The following KCTD19 variants were observed in gnomAD, a reference collection of about 807,000 sequenced individuals.
KCTD19 encodes BTB/POZ domain-containing protein KCTD19.
A neutral mutation model predicts 103.5 loss-of-function variants in KCTD19; 67 were observed. The observed-to-expected ratio is 0.65, with a 90% CI of 0.53 to 0.79. KCTD19 has a LOEUF of 0.79. KCTD19 is among the 30% of genes least tolerant of loss of function. The probability of loss-of-function intolerance (pLI) is 0.00; values close to 1 mark genes in which losing one functional copy is unlikely to be tolerated. For synonymous variants in KCTD19, 439 were observed against 452.2 expected (o/e 0.97, Z 0.37); for missense variants, 980 against 1,136.1 (o/e 0.86, Z 1.98).
rs1456382815 is a variant in KCTD19 at position 67,294,080 on chromosome 16, A to C, written c.1682T>G (p.Met561Arg). Residue 561 changes from methionine to arginine, a missense_variant, in exon 12 of 16, where the codon ATG becomes AGG. Coordinates refer to ENST00000304372, the MANE Select transcript of KCTD19 (RefSeq NM_001100915.3). ...AKGNLVRSNQMDEAEQYTRPI... is the reference protein window; with the variant it reads ...AKGNLVRSNQRDEAEQYTRPI... ...CCGAGTGTACTGCTCAGCCTCATCC[A>C]TCTGGTTGGACCTGACCAGGTTTCC... 9.3e-6 allele frequency: 15 copies of C among 1,614,152 alleles called. No individual in the cohort carries two copies. In the South Asian group the frequency reaches 1.2e-4, roughly 13 times the overall value.
In KCTD19 at chr16:67,293,644, T is replaced by G. The variant is rs2036726135; in HGVS notation, c.2118A>C (p.Gly706=). ...DPGPQAGAGA[G]AKDKGPEPTF... is the part of the protein sequence containing the mutation. ...TTGGCTCTGGCCCCTTGTCTTTCGC[T>G]CCAGCTCCAGCCCCTGCCTGTGGTC... Residue 706 remains glycine, a synonymous_variant, in exon 12 of 16, where the codon GGA becomes GGC. Transcript: ENST00000304372. This position sits in a 1 kb window ranked among gnomAD's most constrained non-coding sequence, Gnocchi z 4.0. 3 of 1,613,866 alleles carry G rather than the reference T, an allele frequency of 1.9e-6. No individual in the cohort carries two copies. The African/African-American group carries it at 4.0e-5, about 22-fold the overall frequency.
Position 67,303,447 on chromosome 16 carries a change from AGGATAT to A in KCTD19, c.452-116_452-111del, listed in dbSNP as rs2036859952. On this transcript the variant is annotated intron_variant, in intron 3 of 15. Transcript: ENST00000304372. This position sits in a 1 kb window ranked among gnomAD's most constrained non-coding sequence, Gnocchi z 4.3. ...CCAGAGGATGCTAGAGAGACCCCCC[AGGATAT>A]GGTCCTTGCCACTTGCCAGACACAT... 1.3e-6 allele frequency: 1 copy of A among 752,116 alleles called. No homozygotes were observed. The highest frequency in any genetic ancestry group is 2.0e-5 in the South Asian group (1 of 50,760). 46.6% of individuals were successfully genotyped at this position (752,116 alleles called of 1,614,324 possible).
chr16:67,326,601 C>T, intron 1 of KCTD19, 104 bp downstream of exon 1: 1 of 1,478,460 alleles, frequency 6.8e-7, no homozygotes, highest in South Asian at 1.2e-5. Context: ...CTCTCCCATG[C>T]CCCAGAGCCA....
intron 2 of KCTD19, chr16:67,305,599 T>G: frequency 2.2e-6 from 1 of 455,604 alleles, no homozygotes; most frequent in South Asian, 1.6e-5. Context: ...GGACCCATTC[T>G]CCCTCAAAAG....
chr16:67,301,660 G>A, intron 5 of KCTD19, 131 bp downstream of exon 5: 2 of 826,154 alleles, frequency 2.4e-6, no homozygotes, highest in Non-Finnish European at 3.9e-6. Flanking sequence ...TGGATTCAGA[G>A]TCAGCCAGAA....
Position 67,301,877 on chromosome 16 carries a change from G to A in KCTD19, c.689C>T (p.Ser230Phe), listed in dbSNP as rs770845234. ...SQKILLPDNFSNIDVLEAEVE... is the reference protein window; with the variant it reads ...SQKILLPDNFFNIDVLEAEVE... ...TTCTGCTTCTAATACATCAATGTTGGAGAAATTATCCGGTAGTAAAATCTT... is the reference window on the plus strand; with the variant it reads ...TTCTGCTTCTAATACATCAATGTTGAAGAAATTATCCGGTAGTAAAATCTT... Residue 230 changes from serine (S) to phenylalanine (F), a missense_variant, in exon 5 of 16, where the codon TCC becomes TTC. Coordinates refer to ENST00000304372, the MANE Select transcript of KCTD19 (RefSeq NM_001100915.3). The A allele has an allele frequency of 6.2e-7, 1 of 1,613,338 alleles. No homozygotes were observed. Among genetic ancestry groups the A allele is most frequent in the Admixed American group, 1.7e-5 (1 of 60,014 alleles).
At chr16:67,307,183 C>CT (rs2036902459) in intron 2 of KCTD19, among the ~76,000 whole-genome samples, 1 of 151,766 alleles carries the variant, frequency 6.6e-6, no homozygotes, top group Non-Finnish European at 1.5e-5. Flanking sequence ...GAGTCACACT[C>CT]TATCACCTAG....
At chr16:67,298,083 T>C (rs1337290358) in intron 6 of KCTD19, among the ~76,000 whole-genome samples, 3 of 148,764 alleles carry the variant, frequency 2.0e-5, no homozygotes, top group Non-Finnish European at 4.4e-5. Context: ...AAGCTCCGCC[T>C]CCAGGGTTCA....
Position 67,301,773 on chromosome 16 carries a change from G to A in KCTD19, c.775+18C>T, listed in dbSNP as rs773111011. ...GCCAAGACTGTCGAGGGGGAGCCAA[G>A]GTTTCCTGGCGACATACCCATGTTC... is the stretch of plus-strand genomic sequence containing the variant. On this transcript the variant is annotated intron_variant, in intron 5 of 15. Transcript: ENST00000304372. 1 of 1,612,594 alleles carries A rather than the reference G, an allele frequency of 6.2e-7. No individual in the cohort carries two copies. The highest frequency in any genetic ancestry group is 2.2e-5 in the East Asian group (1 of 44,850).
chr16:67,322,619 A>T (rs944748393), intron 1 of KCTD19, among the ~76,000 whole-genome samples: 1 of 152,230 alleles, frequency 6.6e-6, no homozygotes, highest in African/African-American at 2.4e-5. Context: ...AATCTTTAGA[A>T]GAAAATAGAA....
intron 14 of KCTD19, 139 bp from the exon 15 acceptor site, chr16:67,291,125 G>C: frequency 8.4e-7 from 1 of 1,185,752 alleles, no homozygotes; most frequent in East Asian, 2.6e-5. Flanking sequence ...CTGCCTCTTG[G>C]CCGAGGCTCA....
intron 5 of KCTD19, 72 bp downstream of exon 5, chr16:67,301,719 G>A (rs1001610914): frequency 7.0e-7 from 1 of 1,432,026 alleles, no homozygotes; most frequent in African/African-American, 1.4e-5. Flanking sequence ...TTGTGGGAGG[G>A]AAGATTGTTC....
chr16:67,318,994 G>A (rs897489932), intron 2 of KCTD19, among the ~76,000 whole-genome samples: 15 of 152,234 alleles, frequency 9.9e-5, no homozygotes, highest in Admixed American at 5.9e-4. Flanking sequence ...AGGCTGAGGC[G>A]GGTGGATCAA....
intron 11 of KCTD19, 95 bp downstream of exon 11, chr16:67,294,485 T>A (rs1359191795): frequency 1.2e-6 from 1 of 858,580 alleles, no homozygotes; most frequent in Non-Finnish European, 1.9e-6. Context: ...TTCATTTTGC[T>A]GCACCCACCA....
At chr16:67,321,511 C>T (rs2037072189) in intron 1 of KCTD19, 1 of 152,122 alleles carries the variant, frequency 6.6e-6, no homozygotes, top group Admixed American at 6.5e-5. Context: ...TTTACAAATT[C>T]AACACAATCT....
rs747458440 is a variant in KCTD19, at chr16:67,304,480, C to A, written c.392G>T (p.Arg131Leu). The change falls in exon 3 of 16, where the codon CGT (arginine) becomes CTT (leucine). Residue 131 changes from arginine to leucine, a missense_variant. By Grantham distance (102) the Arg-to-Leu change is moderately radical. Transcript: ENST00000304372. ...GGGTTTGCTAATACACTTCCATGTA[C>A]GCCAGTAGTTCAGAGATGCTCTCTC... is the stretch of plus-strand genomic sequence containing the variant. ...VAERASLNYWRTWKCISKPSE... is the reference protein window; with the variant it reads ...VAERASLNYWLTWKCISKPSE... 1 of 1,613,882 alleles carries A rather than the reference C, an allele frequency of 6.2e-7. No individual in the cohort carries two copies. The highest frequency in any genetic ancestry group is 1.3e-5 in the African/African-American group (1 of 74,892).
intron 6 of KCTD19, among the ~76,000 whole-genome samples, chr16:67,298,293 CGTTTCCTT>C (rs1257179311): frequency 6.6e-6 from 1 of 151,974 alleles, no homozygotes; most frequent in African/African-American, 2.4e-5. Context: ...GCGCCCAGCC[CGTTTCCTT>C]GTTTTAACTG....
intron 2 of KCTD19, among the ~76,000 whole-genome samples, chr16:67,307,284 GACCACAGGTGCAC>G (rs1236114175): frequency 6.6e-6 from 1 of 151,462 alleles, no homozygotes; most frequent in Non-Finnish European, 1.5e-5. Flanking sequence ...GAGTAGCTGG[GACCACAGGTGCAC>G]ATCACAACAC....
rs1267852516 is a variant in KCTD19, at chr16:67,294,089, G to A, written c.1673C>T (p.Ser558Phe). 1 of 1,613,950 alleles carries A rather than the reference G, an allele frequency of 6.2e-7. No homozygotes were observed. The highest frequency in any genetic ancestry group is 1.3e-5 in the African/African-American group (1 of 74,920). Residue 558 changes from serine (S) to phenylalanine (F), a missense_variant, in exon 12 of 16, where the codon TCC (serine) becomes TTC (phenylalanine). Ser to Phe is a radical substitution (Grantham distance 155, BLOSUM62 -2). Transcript: ENST00000304372. ...WNKAKGNLVR[S>F]NQMDEAEQYT... ...CTGCTCAGCCTCATCCATCTGGTTG[G>A]ACCTGACCAGGTTTCCCTTAGCCTT...
Sources: gnomAD v4.1 joint callset for allele counts (sites outside exome capture counted in the v4.1 genomes callset) on GRCh38, gnomAD v4.1.1 for gene constraint, Gnocchi (gnomAD v3.1) non-coding constraint, MANE v1.5 for transcripts, NCBI Gene and HGNC (gene_info 2026-07-23, HGNC 2026-07-21) for gene names.